Variants in TBXAS1 observed in about 807,000 individuals in gnomAD.
TBXAS1 encodes thromboxane A synthase 1, also known as thromboxane-A synthase.
Under a neutral mutation model 60.7 loss-of-function variants are expected in TBXAS1, and 48 were observed. The ratio of observed to expected loss-of-function variants is 0.79; its 90% CI spans 0.63 to 1.01. TBXAS1 has a LOEUF of 1.01. Ranked by LOEUF, TBXAS1 falls within the 50% of genes least tolerant of loss-of-function variation. TBXAS1 has a pLI of 0.00. For synonymous variants in TBXAS1, 287 were observed against 269.7 expected (o/e 1.06, Z -0.63); for missense variants, 685 against 686.3 (o/e 1.00, Z 0.02).
chr7:139,921,868 A>C (rs148551280), intron 4 of TBXAS1, among the ~76,000 whole-genome samples: 2 of 152,242 alleles, frequency 1.3e-5, no homozygotes, highest in African/African-American at 4.8e-5. Context: ...AGCCCACGAG[A>C]GTAGGTGCAT....
chr7:139,859,199 G>GTTTTTT, intron 1 of TBXAS1, among the ~76,000 whole-genome samples: 1 of 114,654 alleles, frequency 8.7e-6, no homozygotes, highest in Non-Finnish European at 1.9e-5. Flanking sequence ...TTTATCGTTA[G>GTTTTTT]TTTTTTTTTT....
Position 139,785,330 on chromosome 7 carries a change from C to T in TBXAS1, c.-168-2008C>T, listed in dbSNP as rs1269797896. ...TTGACATAGTCTCATTAGCTCTTGT[C>T]CCACATTTCCACCTGCTTTCCAGAC... is the stretch of plus-strand genomic sequence containing the variant. On this transcript the variant is annotated intron_variant, in intron 3 of 16. Coordinates refer to the TBXAS1 transcript ENST00000336425. Among the ~76,000 whole-genome samples, 4 of 152,078 alleles carry T rather than the reference C, an allele frequency of 2.6e-5. No individual in the cohort carries two copies. In the South Asian group the frequency reaches 6.2e-4, roughly 24 times the overall value.
chr7:139,954,975 T>C (rs1210671382), intron 6 of TBXAS1, among the ~76,000 whole-genome samples: 4 of 152,246 alleles, frequency 2.6e-5, no homozygotes, highest in African/African-American at 9.6e-5. Flanking sequence ...TAAAACTAGA[T>C]AATTAGGTTG....
chr7:139,890,898 GT>G (rs140919636), intron 3 of TBXAS1, among the ~76,000 whole-genome samples: 2 of 150,068 alleles, frequency 1.3e-5, no homozygotes, highest in Middle Eastern at 3.4e-3. Context: ...TGTTTAATGT[GT>G]TTTTTTTTCA....
intron 4 of TBXAS1, among the ~76,000 whole-genome samples, chr7:139,792,408 G>A (rs1345317162): frequency 1.3e-5 from 2 of 152,110 alleles, no homozygotes; most frequent in African/African-American, 4.8e-5. Context: ...TTGGTGGTTT[G>A]TTTACTGGCC....
intron 4 of TBXAS1, among the ~76,000 whole-genome samples, chr7:139,915,390 A>C (rs1805891590): frequency 6.6e-6 from 1 of 152,230 alleles, no homozygotes; most frequent in African/African-American, 2.4e-5. Context: ...TTTATTATAC[A>C]TTCACTCGGT....
At chr7:139,784,889 G>A (rs983960163) in intron 3 of TBXAS1, among the ~76,000 whole-genome samples, 4 of 91,416 alleles carry the variant, frequency 4.4e-5, no homozygotes, top group East Asian at 7.3e-4. Flanking sequence ...TGTATAATGC[G>A]TGGCTGATCC....
At position 140,004,625 on chromosome 7, in the gene TBXAS1, G is replaced by A. The variant is rs192563148; in HGVS notation, c.1135-2466G>A. ...CCTGGACATACTGGATGAGCGGGGG[G>A]AGTCCAGACCCTTCCAGGCATCCAA... On this transcript the variant is annotated intron_variant, in intron 9 of 12. Coordinates refer to ENST00000448866, the MANE Select transcript of TBXAS1 (RefSeq NM_001061.7). The surrounding 1 kb of genome is among the most constrained non-coding windows in gnomAD (Gnocchi z 5.1). Among the ~76,000 whole-genome samples the A allele has an allele frequency of 2.0e-5, 3 of 152,262 alleles. No individual in the cohort carries two copies. Among genetic ancestry groups the A allele is most frequent in the East Asian group, 3.9e-4 (2 of 5,186 alleles).
chr7:139,806,613 C>A (rs1344348728), intron 4 of TBXAS1, among the ~76,000 whole-genome samples: 1 of 152,044 alleles, frequency 6.6e-6, no homozygotes, highest in East Asian at 1.9e-4. Flanking sequence ...GGATTGAACA[C>A]CTATGCTCTG....
In TBXAS1 at chr7:139,975,806, G is replaced by A. The variant is rs1225481079; in HGVS notation, c.1134+13573G>A. On this transcript the variant is annotated intron_variant, in intron 9 of 12. Coordinates refer to ENST00000448866, the MANE Select transcript of TBXAS1 (RefSeq NM_001061.7). The surrounding 1 kb of genome is among the most constrained non-coding windows in gnomAD (Gnocchi z 4.4). The stretch of plus-strand genomic sequence containing the variant: ...CTGAGTTTGTGAATTATCTTTCTTC[G>A]TGGCCCATGTGGCACAAGATGAAGA... 6.6e-6 allele frequency among the ~76,000 whole-genome samples: 1 copy of A among 152,018 alleles called. No homozygotes were observed. The highest frequency in any genetic ancestry group is 2.4e-5 in the African/African-American group (1 of 41,360).
intron 1 of TBXAS1, among the ~76,000 whole-genome samples, chr7:139,859,300 G>A (rs369368691): frequency 2.7e-5 from 4 of 148,330 alleles, no homozygotes; most frequent in South Asian, 2.2e-4. Context: ...TCCGCCTCCC[G>A]GGTTCACACC....
intron 9 of TBXAS1, among the ~76,000 whole-genome samples, chr7:139,984,861 GAAGA>G (rs1812304316): frequency 7.3e-6 from 1 of 136,514 alleles, no homozygotes. Context: ...AAGAAAGAAA[GAAGA>G]AAGAGAAAGA....
chr7:139,854,462 A>C (rs1021286446), intron 1 of TBXAS1, among the ~76,000 whole-genome samples: 1 of 152,124 alleles, frequency 6.6e-6, no homozygotes, highest in African/African-American at 2.4e-5. Flanking sequence ...ACATGATGAG[A>C]TTTGCATATG....
chr7:139,936,367 C>A, intron 5 of TBXAS1, 60 bp downstream of exon 5: 1 of 1,528,056 alleles, frequency 6.5e-7, no homozygotes, highest in East Asian at 2.3e-5. Context: ...CTCTCCAAAT[C>A]GTGATGAGAG....
At chr7:139,784,702 C>T (rs1236048574) in intron 3 of TBXAS1, among the ~76,000 whole-genome samples, 1 of 152,174 alleles carries the variant, frequency 6.6e-6, no homozygotes, top group African/African-American at 2.4e-5. Flanking sequence ...AGAACTTATA[C>T]TTTATTCTGA....
At chr7:139,820,721 A>G (rs1798274551) in intron 4 of TBXAS1, among the ~76,000 whole-genome samples, 1 of 152,134 alleles carries the variant, frequency 6.6e-6, no homozygotes, top group South Asian at 2.1e-4. Flanking sequence ...TCTCCTGTGT[A>G]GGCCAGTCCT....
chr7:139,807,560 T>G (rs1797910661), intron 4 of TBXAS1, among the ~76,000 whole-genome samples: 1 of 152,142 alleles, frequency 6.6e-6, no homozygotes, highest in Admixed American at 6.5e-5. Context: ...ATTTTTTGTA[T>G]TTTTAGTAGA....
At chr7:139,952,742 C>A in intron 5 of TBXAS1, 1 of 1,466,866 alleles carries the variant, frequency 6.8e-7, no homozygotes, top group Non-Finnish European at 9.0e-7. Context: ...AAAAAGAAAC[C>A]CAACAATTGC....
chr7:140,007,736 G>A (rs1451217100), intron 10 of TBXAS1, among the ~76,000 whole-genome samples: 3 of 152,222 alleles, frequency 2.0e-5, no homozygotes, highest in South Asian at 4.1e-4. Context: ...CCCTCAAGAC[G>A]TCTGTGTTGG....
Sources: allele counts gnomAD v4.1 joint callset (sites outside exome capture counted in the v4.1 genomes callset), GRCh38; gene constraint gnomAD v4.1.1; non-coding constraint Gnocchi (gnomAD v3.1); transcripts MANE v1.5; gene names NCBI Gene and HGNC (gene_info 2026-07-23, HGNC 2026-07-21).